The following SLC26A7 variants were observed in gnomAD, a reference collection of about 807,000 sequenced individuals.
The protein encoded by SLC26A7 is solute carrier family 26 member 7.
SLC26A7 carries 59 observed loss-of-function variants against 82.5 expected under a neutral mutation model. The ratio of observed to expected loss-of-function variants is 0.72; its 90% CI spans 0.58 to 0.89. The LOEUF (loss-of-function observed/expected upper bound fraction) is 0.89. Among genes scored for constraint, SLC26A7 ranks in the 40% least tolerant of loss-of-function variants. The pLI is 0.00. For synonymous variants in SLC26A7, 271 were observed against 274.3 expected (o/e 0.99, Z 0.12); for missense variants, 820 against 793.0 (o/e 1.03, Z -0.41).
intron 15 of SLC26A7, among the ~76,000 whole-genome samples, chr8:91,388,381 T>A (rs1475608881): frequency 7.9e-5 from 12 of 151,854 alleles, no homozygotes. Context: ...CGAGCGGGAT[T>A]TTTTTTTAGT....
chr8:91,310,259 ATTTT>A (rs1255485797), intron 4 of SLC26A7, among the ~76,000 whole-genome samples: 1 of 152,102 alleles, frequency 6.6e-6, no homozygotes, highest in Non-Finnish European at 1.5e-5. Context: ...AAAGACCCCA[ATTTT>A]TTTGGAGAAA....
chr8:91,265,805 G>A (rs990158786), intron 2 of SLC26A7, among the ~76,000 whole-genome samples: 1 of 151,768 alleles, frequency 6.6e-6, no homozygotes, highest in Non-Finnish European at 1.5e-5. Context: ...TTTTGCTATT[G>A]AGTTGTTTGA....
intron 2 of SLC26A7, among the ~76,000 whole-genome samples, chr8:91,269,829 A>G (rs1039907154): frequency 6.6e-6 from 1 of 151,382 alleles, no homozygotes; most frequent in African/African-American, 2.4e-5. Context: ...TCTATGTTTG[A>G]GCTCGCTTAG....
chr8:91,311,269 C>T (rs1379353137), intron 4 of SLC26A7, among the ~76,000 whole-genome samples: 2 of 152,128 alleles, frequency 1.3e-5, no homozygotes, highest in East Asian at 1.9e-4. Flanking sequence ...GAAAAGACTA[C>T]ATATTATATG....
At chr8:91,279,147 A>ATATG (rs1563656931) in intron 2 of SLC26A7, among the ~76,000 whole-genome samples, 3 of 110,414 alleles carry the variant, frequency 2.7e-5, no homozygotes, top group African/African-American at 1.2e-4. Context: ...ATATATATAT[A>ATATG]TATATATATA....
intron 1 of SLC26A7, among the ~76,000 whole-genome samples, chr8:91,218,564 A>G (rs1010735762): frequency 3.3e-5 from 5 of 152,164 alleles, no homozygotes; most frequent in African/African-American, 1.2e-4. Context: ...AATACCCCTG[A>G]AGGACAAAAG....
At chr8:91,328,715 G>C (rs1007524311) in intron 5 of SLC26A7, among the ~76,000 whole-genome samples, 13 of 151,926 alleles carry the variant, frequency 8.6e-5, no homozygotes, top group African/African-American at 3.1e-4. Context: ...ATAAAGAAAG[G>C]CAAATTAGAC....
In SLC26A7 at chr8:91,232,457, A is replaced by G. The variant is rs1473118388; in HGVS notation, c.-34+13452A>G. Among the ~76,000 whole-genome samples the G allele has an allele frequency of 3.3e-5, 5 of 152,220 alleles. No homozygotes were observed. In the East Asian group the frequency reaches 5.8e-4, roughly 18 times the overall value. ...ACAAAAAAAGTCCTTTTCCACTGCA[A>G]CATACTACGTTCCTTACAATATTAA... On this transcript the variant is annotated intron_variant, in intron 2 of 5. Coordinates refer to the SLC26A7 transcript ENST00000522862.
At chr8:91,308,246 G>GGTGT (rs35920887) in intron 4 of SLC26A7, among the ~76,000 whole-genome samples, 15,163 of 145,656 alleles carry the variant, frequency 0.1, 926 homozygotes, top group Non-Finnish European at 0.14. Context: ...AGGAGGAAGA[G>GGTGT]GTGTGTGTGT....
At chr8:91,350,347 CTT>C (rs970206605) in intron 9 of SLC26A7, among the ~76,000 whole-genome samples, 12 of 142,374 alleles carry the variant, frequency 8.4e-5, no homozygotes, top group Admixed American at 2.1e-4. Context: ...TCCCAGGTTT[CTT>C]TTTTTTTTTA....
chr8:91,335,512 T>C (rs1813215951), intron 6 of SLC26A7, among the ~76,000 whole-genome samples: 1 of 152,194 alleles, frequency 6.6e-6, no homozygotes, highest in Admixed American at 6.5e-5. Context: ...CCTGTAGATA[T>C]TAAGAAATAC....
At chr8:91,260,019 C>T (rs1212097126) in intron 2 of SLC26A7, among the ~76,000 whole-genome samples, 1 of 152,090 alleles carries the variant, frequency 6.6e-6, no homozygotes, top group East Asian at 1.9e-4. Context: ...TTCCATGGTA[C>T]TTATATCCTT....
At position 91,340,288 on chromosome 8, in the gene SLC26A7, G is replaced by C. The variant is rs556025263; in HGVS notation, c.879-116G>C. 3 of 1,292,610 alleles carry C rather than the reference G, an allele frequency of 2.3e-6. No homozygotes were observed. The Admixed American group carries it at 6.8e-5, about 30-fold the overall frequency. The allele number at this position is 1,292,610 out of a possible 1,614,324, so 80.1% of individuals were successfully genotyped here. A position where few individuals can be genotyped will look rare whatever the true frequency, so the allele number is the denominator to read the frequency against. On this transcript the variant is annotated intron_variant, in intron 7 of 18. Transcript: ENST00000276609. ...GGCAAGGCTGCTTGGTTTTCTCATG[G>C]GTATTTCACTTAGTCTATGTAAACT...
chr8:91,383,821 C>T (rs749073929), intron 15 of SLC26A7, among the ~76,000 whole-genome samples: 1 of 152,204 alleles, frequency 6.6e-6, no homozygotes. Flanking sequence ...TCAGCTCACA[C>T]ATCACATTCT....
chr8:91,262,832 T>C (rs1811005727), intron 2 of SLC26A7, among the ~76,000 whole-genome samples: 1 of 152,068 alleles, frequency 6.6e-6, no homozygotes, highest in Admixed American at 6.6e-5. Context: ...TCATAAATCT[T>C]GAAGGTTGTT....
intron 1 of SLC26A7, among the ~76,000 whole-genome samples, chr8:91,215,609 A>G (rs1268270983): frequency 1.3e-5 from 2 of 152,192 alleles, no homozygotes; most frequent in Admixed American, 1.3e-4. Context: ...ATAGCATTTT[A>G]CTTTTTAAAG....
At chr8:91,321,655 C>T (rs1812793348) in intron 5 of SLC26A7, among the ~76,000 whole-genome samples, 1 of 152,172 alleles carries the variant, frequency 6.6e-6, no homozygotes, top group Non-Finnish European at 1.5e-5. Context: ...TAAATTCCTT[C>T]ACAGATAACT....
intron 5 of SLC26A7, among the ~76,000 whole-genome samples, chr8:91,332,317 T>G (rs1200961940): frequency 7.1e-6 from 1 of 141,432 alleles, no homozygotes; most frequent in Admixed American, 7.3e-5. Context: ...AATTATATAA[T>G]TATATAATTT....
intron 4 of SLC26A7, among the ~76,000 whole-genome samples, chr8:91,301,403 T>A (rs1812161286): frequency 6.6e-6 from 1 of 152,156 alleles, no homozygotes; most frequent in African/African-American, 2.4e-5. Flanking sequence ...TTACAAAAAT[T>A]GGTCAGTTTA....
Sources: gnomAD v4.1 joint callset for allele counts (sites outside exome capture counted in the v4.1 genomes callset) on GRCh38, gnomAD v4.1.1 for gene constraint, MANE v1.5 for transcripts, NCBI Gene and HGNC (gene_info 2026-07-23, HGNC 2026-07-21) for gene names.